The following FNDC3B variants were observed in gnomAD, a reference collection of about 807,000 sequenced individuals.
FNDC3B encodes the protein fibronectin type III domain containing 3B, also known as fibronectin type III domain-containing protein 3B.
FNDC3B carries 12 observed loss-of-function variants against 151.5 expected under a neutral mutation model. The ratio of observed to expected loss-of-function variants is 0.08; its 90% confidence interval spans 0.05 to 0.13. The LOEUF is 0.13. FNDC3B is among the 10% of genes least tolerant of loss of function. The probability of loss-of-function intolerance (pLI) is 1.00; values close to 1 mark genes in which losing one functional copy is unlikely to be tolerated. For synonymous variants in FNDC3B, 528 were observed against 549.0 expected (o/e 0.96, Z 0.54); for missense variants, 1,214 against 1,505.3 (o/e 0.81, Z 3.20).
chr3:172,393,945 A>G (rs1246377170), intron 25 of FNDC3B, among the ~76,000 whole-genome samples: 1 of 151,392 alleles, frequency 6.6e-6, no homozygotes, highest in African/African-American at 2.4e-5. Flanking sequence ...CTTCTCTACT[A>G]AAAATACAAA....
intron 3 of FNDC3B, among the ~76,000 whole-genome samples, chr3:172,147,161 C>T (rs1262083999): frequency 1.3e-5 from 2 of 151,976 alleles, no homozygotes; most frequent in Non-Finnish European, 2.9e-5. Context: ...CAAAAATTAG[C>T]CAGGTGTGGT....
chr3:172,275,166 G>A (rs999225368), intron 6 of FNDC3B, among the ~76,000 whole-genome samples: 3 of 152,124 alleles, frequency 2.0e-5, no homozygotes, highest in African/African-American at 4.8e-5. Flanking sequence ...TCAGATGAAT[G>A]TGGTTTATCG....
At chr3:172,377,401 G>A (rs771456304) in intron 23 of FNDC3B, among the ~76,000 whole-genome samples, 17 of 152,158 alleles carry the variant, frequency 1.1e-4, no homozygotes, top group Middle Eastern at 6.3e-3. Flanking sequence ...AAATTTTACA[G>A]TTAAACTATA....
intron 1 of FNDC3B, among the ~76,000 whole-genome samples, chr3:172,059,583 TTGTC>T (rs1286405909): frequency 6.6e-6 from 1 of 152,200 alleles, no homozygotes; most frequent in Non-Finnish European, 1.5e-5. Context: ...CTGTTATAGA[TTGTC>T]TGACCTATTT....
intron 3 of FNDC3B, among the ~76,000 whole-genome samples, chr3:172,210,573 C>T (rs561295494): frequency 4.6e-5 from 7 of 151,904 alleles, no homozygotes; most frequent in Non-Finnish European, 8.8e-5. Flanking sequence ...CCACGCTGTT[C>T]TCAAACTCCT....
intron 17 of FNDC3B, among the ~76,000 whole-genome samples, chr3:172,342,120 T>C (rs1733354926): frequency 6.6e-6 from 1 of 152,246 alleles, no homozygotes; most frequent in Non-Finnish European, 1.5e-5. Context: ...CTAACTTTTC[T>C]AGTCAACCCA....
At chr3:172,290,722 G>A (rs889707312) in intron 7 of FNDC3B, among the ~76,000 whole-genome samples, 13 of 152,190 alleles carry the variant, frequency 8.5e-5, no homozygotes, top group African/African-American at 2.9e-4. Flanking sequence ...AGTGCATCTG[G>A]GAGCAGATAG....
intron 25 of FNDC3B, among the ~76,000 whole-genome samples, chr3:172,394,905 A>T (rs1468383287): frequency 3.3e-5 from 5 of 152,196 alleles, no homozygotes; most frequent in Admixed American, 2.6e-4. Flanking sequence ...ATCAAGTAGG[A>T]TTTATCCCTG....
At position 172,352,946 on chromosome 3, in the gene FNDC3B, T is replaced by A. The variant is rs1733928561; in HGVS notation, c.2658T>A (p.Leu886=). The A allele has an allele frequency of 6.2e-7, 1 of 1,614,202 alleles. No individual in the cohort carries two copies. The highest frequency in any genetic ancestry group is 8.5e-7 in the Non-Finnish European group (1 of 1,180,032). ...ACCCTGATTCACCTTCTGCGTGCCT[T>A]GTACTGAACTGGGAAGAGCCGTGCA... ...DAYPDSPSAC[L]VLNWEEPCNN... Residue 886 remains leucine, a synonymous_variant, in exon 22 of 26, where the codon CTT becomes CTA. Coordinates refer to ENST00000415807, the MANE Select transcript of FNDC3B (RefSeq NM_022763.4). The surrounding 1 kb of genome is among the most constrained non-coding windows in gnomAD (Gnocchi z 4.2).
Position 172,174,944 on chromosome 3 carries a change from C to CCCG in FNDC3B, c.187+41400_187+41401insGCC, listed in dbSNP as rs924176605. Among the ~76,000 whole-genome samples the CCCG allele has an allele frequency of 9.9e-4, 50 of 50,732 alleles. 3 individuals are homozygous for CCCG. In the East Asian group the frequency reaches 0.018, roughly 18 times the overall value. 33.3% of individuals were successfully genotyped at this position (50,732 alleles called of 152,430 possible). A position where few individuals can be genotyped will look rare whatever the true frequency, so the allele number is the denominator to read the frequency against. ...ACCTTCCCCCCGCCACCCCCCCCCCCCCAATACAATTTGCTGTCCATCCGG... is the reference window on the plus strand; with the variant it reads ...ACCTTCCCCCCGCCACCCCCCCCCCCCCGCCAATACAATTTGCTGTCCATCCGG... On this transcript the variant is annotated intron_variant, in intron 3 of 25. Coordinates refer to ENST00000415807, the MANE Select transcript of FNDC3B (RefSeq NM_022763.4).
At chr3:172,059,201 G>A (rs1426113184) in intron 1 of FNDC3B, among the ~76,000 whole-genome samples, 1 of 152,018 alleles carries the variant, frequency 6.6e-6, no homozygotes, top group East Asian at 1.9e-4. Flanking sequence ...TTTGATGATA[G>A]CACGTAACAT....
At chr3:172,286,194 A>T (rs1388088318) in intron 7 of FNDC3B, among the ~76,000 whole-genome samples, 1 of 152,108 alleles carries the variant, frequency 6.6e-6, no homozygotes, top group African/African-American at 2.4e-5. Flanking sequence ...ATCTACTGAA[A>T]TGTCTTCTTT....
intron 11 of FNDC3B, chr3:172,316,395 C>G: frequency 2.2e-6 from 1 of 455,040 alleles, no homozygotes; most frequent in Non-Finnish European, 4.4e-6. Flanking sequence ...ATAGAGGGCT[C>G]TAGGTTAGGG....
chr3:172,313,907 T>C (rs1001689820), intron 11 of FNDC3B, among the ~76,000 whole-genome samples: 5 of 152,002 alleles, frequency 3.3e-5, no homozygotes, highest in African/African-American at 1.2e-4. Flanking sequence ...TAGAGCTAAG[T>C]TGAGGATCAG....
chr3:172,116,515 A>G (rs533082253), intron 2 of FNDC3B, among the ~76,000 whole-genome samples: 1 of 152,216 alleles, frequency 6.6e-6, no homozygotes, highest in East Asian at 1.9e-4. Context: ...AATTTCATAT[A>G]AATAAAATTA....
At chr3:172,060,238 A>G (rs912867075) in intron 1 of FNDC3B, among the ~76,000 whole-genome samples, 1 of 152,168 alleles carries the variant, frequency 6.6e-6, no homozygotes, top group African/African-American at 2.4e-5. Context: ...AAGTAATGAA[A>G]GATGGTAGAT....
At chr3:172,251,058 T>C (rs1218375845) in intron 5 of FNDC3B, among the ~76,000 whole-genome samples, 2 of 152,118 alleles carry the variant, frequency 1.3e-5, no homozygotes, top group African/African-American at 4.8e-5. Context: ...GCTCAGACAG[T>C]CCGCCCACCT....
rs942237639 is a variant in FNDC3B at position 172,398,452 on chromosome 3, C to G, written c.*977C>G. On this transcript the variant is annotated 3_prime_UTR_variant, in exon 26 of 26. Transcript: ENST00000415807. ...TATTTTTGAAACATTTGCCTTTAGG[C>G]TGTTCTTTGAGGTATCAATGAAGTG... The G allele has an allele frequency of 6.6e-6, 1 of 152,444 alleles. No individual in the cohort carries two copies. Among genetic ancestry groups the G allele is most frequent in the Non-Finnish European group, 1.5e-5 (1 of 68,040 alleles). 9.4% of individuals were successfully genotyped at this position (152,444 alleles called of 1,614,324 possible).
intron 3 of FNDC3B, among the ~76,000 whole-genome samples, chr3:172,137,449 A>G (rs1721426758): frequency 6.6e-6 from 1 of 152,128 alleles, no homozygotes; most frequent in Non-Finnish European, 1.5e-5. Context: ...TGAGGCCAGG[A>G]GTTAAAGACT....
Sources: allele counts gnomAD v4.1 joint callset (sites outside exome capture counted in the v4.1 genomes callset), GRCh38; gene constraint gnomAD v4.1.1; non-coding constraint Gnocchi (gnomAD v3.1); transcripts MANE v1.5; gene names NCBI Gene and HGNC (gene_info 2026-07-23, HGNC 2026-07-21).